SH2D3C: variants seen among roughly 807,000 people sequenced by gnomAD.
SH2D3C encodes the protein SH2 domain containing 3C.
SH2D3C carries 25 observed loss-of-function variants against 75.2 expected under a neutral mutation model. The ratio of observed to expected loss-of-function variants is 0.33; its 90% CI spans 0.24 to 0.46. The LOEUF (loss-of-function observed/expected upper bound fraction) is 0.46. Ranked by LOEUF, SH2D3C falls within the 20% of genes least tolerant of loss-of-function variation. SH2D3C has a pLI of 1.00. For synonymous variants in SH2D3C, 450 were observed against 473.7 expected (o/e 0.95, Z 0.65); for missense variants, 933 against 1,165.3 (o/e 0.80, Z 2.90).
Position 127,749,710 on chromosome 9 carries a change from G to C in SH2D3C, c.685-45C>G, listed in dbSNP as rs1382037670. ...GCTGGAGTAGGGTGGGGCCAGGAGA[G>C]GGTCAGACCCAGGATCTGGGGGACA... On this transcript the variant is annotated intron_variant, in intron 4 of 11. Transcript: ENST00000314830. This position sits in a 1 kb window ranked among gnomAD's most constrained non-coding sequence, Gnocchi z 5.9. 2 of 1,309,088 alleles carry C rather than the reference G, an allele frequency of 1.5e-6. No homozygotes were observed. Among genetic ancestry groups the C allele is most frequent in the East Asian group, 2.5e-5 (1 of 39,750 alleles). 81.1% of individuals were successfully genotyped at this position (1,309,088 alleles called of 1,614,324 possible). A position where few individuals can be genotyped will look rare whatever the true frequency, so the allele number is the denominator to read the frequency against.
At chr9:127,755,018 G>A (rs942495078) in intron 3 of SH2D3C, 3 of 828,900 alleles carry the variant, frequency 3.6e-6, no homozygotes, top group African/African-American at 1.8e-5. Context: ...CTAGGGCCCC[G>A]GGCGGAGCGG....
At chr9:127,762,764 A>G (rs1427059935) in intron 2 of SH2D3C, among the ~76,000 whole-genome samples, 5 of 152,204 alleles carry the variant, frequency 3.3e-5, no homozygotes, top group Non-Finnish European at 5.9e-5. Context: ...TTACAACCTA[A>G]GCATTTGATG....
chr9:127,750,603 G>A (rs1166935543), intron 4 of SH2D3C, among the ~76,000 whole-genome samples: 1 of 152,174 alleles, frequency 6.6e-6, no homozygotes, highest in Non-Finnish European at 1.5e-5. Context: ...CCCCCACCCT[G>A]GGCCATTAGC....
chr9:127,743,371 C>T (rs1358033356), intron 7 of SH2D3C, among the ~76,000 whole-genome samples: 1 of 152,126 alleles, frequency 6.6e-6, no homozygotes, highest in Non-Finnish European at 1.5e-5. Context: ...GGTATAGTGG[C>T]GCGTGCCTGT....
intron 3 of SH2D3C, among the ~76,000 whole-genome samples, chr9:127,753,810 TC>T (rs928214029): frequency 5.9e-5 from 9 of 152,178 alleles, no homozygotes; most frequent in African/African-American, 2.2e-4. Context: ...ATTGAGACCT[TC>T]CCCCAGTTCC....
At chr9:127,764,819 T>C (rs1163334686) in intron 2 of SH2D3C, among the ~76,000 whole-genome samples, 2 of 152,180 alleles carry the variant, frequency 1.3e-5, no homozygotes, top group Admixed American at 6.5e-5. Flanking sequence ...GCGATTCTCC[T>C]GCCTCAGCCT....
At position 127,754,104 on chromosome 9, in the gene SH2D3C, C is replaced by T. The variant is rs903403310; in HGVS notation, c.556-2804G>A. On this transcript the variant is annotated intron_variant, in intron 3 of 11. Transcript: ENST00000314830. The surrounding 1 kb of genome is among the most constrained non-coding windows in gnomAD (Gnocchi z 4.4). ...CACCTCGACCTGGGAGCCCCCAGTT[C>T]CCTAGAGTTGGGGGTGCTGGGGTGC... 6.6e-6 allele frequency among the ~76,000 whole-genome samples: 1 copy of T among 152,192 alleles called. No homozygotes were observed. The highest frequency in any genetic ancestry group is 1.5e-5 in the Non-Finnish European group (1 of 68,000).
rs371381851 is a variant in SH2D3C, at chr9:127,774,291, C to CA, written c.213dup (p.Asp72Ter). On this transcript the variant is annotated frameshift_variant, in exon 2 of 12. Transcript: ENST00000314830. LOFTEE classifies it high-confidence loss of function. The surrounding 1 kb of genome is among the most constrained non-coding windows in gnomAD (Gnocchi z 4.3). ...ATGGTGCCCATGTGGCTGTACATGT[C>CA]ACTGGAGCGGGCATAGGCTGGGGGA... is the stretch of plus-strand genomic sequence containing the variant. 27 of 1,614,086 alleles carry CA rather than the reference C, an allele frequency of 1.7e-5. No individual in the cohort carries two copies. Among genetic ancestry groups the CA allele is most frequent in the Middle Eastern group, 3.3e-4 (2 of 6,062 alleles).
At chr9:127,769,863 G>A (rs1185674164) in intron 2 of SH2D3C, among the ~76,000 whole-genome samples, 1 of 152,050 alleles carries the variant, frequency 6.6e-6, no homozygotes, top group Non-Finnish European at 1.5e-5. Context: ...TGGCAAAATG[G>A]AGCAAGTAGA....
chr9:127,756,875 G>A (rs1440684726), intron 3 of SH2D3C, among the ~76,000 whole-genome samples: 3 of 151,632 alleles, frequency 2.0e-5, no homozygotes, highest in Admixed American at 2.0e-4. Context: ...CTCGTGATCC[G>A]CCCACCTCGG....
At chr9:127,772,111 A>G (rs1386699047) in intron 2 of SH2D3C, among the ~76,000 whole-genome samples, 2 of 152,178 alleles carry the variant, frequency 1.3e-5, no homozygotes, top group African/African-American at 2.4e-5. Flanking sequence ...GGTCTAGGCA[A>G]TTACAGCTCA....
At position 127,774,275 on chromosome 9, in the gene SH2D3C, A is replaced by G. The variant is rs773799062; in HGVS notation, c.230T>C (p.Met77Thr). Residue 77 changes from methionine to threonine, a missense_variant, in exon 2 of 12, where the codon ATG becomes ACG. Met to Thr is a moderately conservative substitution (Grantham distance 81, BLOSUM62 -1). Transcript: ENST00000314830. The surrounding 1 kb of genome is among the most constrained non-coding windows in gnomAD (Gnocchi z 4.3). ...YARSSDMYSH[M>T]GTMPRPSIKK... ...GATGCTGGGGCGAGGCATGGTGCCCATGTGGCTGTACATGTCACTGGAGCG... is the reference window on the plus strand; with the variant it reads ...GATGCTGGGGCGAGGCATGGTGCCCGTGTGGCTGTACATGTCACTGGAGCG... The G allele has an allele frequency of 6.2e-7, 1 of 1,614,104 alleles. No homozygotes were observed. Among genetic ancestry groups the G allele is most frequent in the South Asian group, 1.1e-5 (1 of 91,086 alleles).
chr9:127,776,995 G>A (rs576487687), intron 1 of SH2D3C, among the ~76,000 whole-genome samples: 3 of 152,234 alleles, frequency 2.0e-5, no homozygotes, highest in Non-Finnish European at 2.9e-5. Context: ...GGCACCAGAC[G>A]TTTGGAGGAG....
At chr9:127,748,160 G>A (rs1443303125) in intron 5 of SH2D3C, among the ~76,000 whole-genome samples, 4 of 152,194 alleles carry the variant, frequency 2.6e-5, no homozygotes, top group Non-Finnish European at 5.9e-5. Context: ...CTGGAGAATG[G>A]TCTGGGGAGA....
At chr9:127,758,402 C>T (rs867573051) in intron 3 of SH2D3C, among the ~76,000 whole-genome samples, 1 of 151,876 alleles carries the variant, frequency 6.6e-6, no homozygotes, top group Non-Finnish European at 1.5e-5. Context: ...CATTTTTAAA[C>T]CCTAAAAATA....
In SH2D3C at chr9:127,774,814, G is replaced by C. The variant is rs117492162; in HGVS notation, c.38-347C>G. Among the ~76,000 whole-genome samples, 895 of 152,320 alleles carry C rather than the reference G, an allele frequency of 5.9e-3. 16 individuals carry two copies. Among genetic ancestry groups the C allele is most frequent in the Non-Finnish European group, 8.9e-3 (604 of 68,024 alleles). ...AGAATTACAGAAAAGCTTAGGCCAG[G>C]CGTGGTGGCTCATGCCTGTAATCCC... On this transcript the variant is annotated intron_variant, in intron 1 of 11. Transcript: ENST00000314830. The surrounding 1 kb of genome is among the most constrained non-coding windows in gnomAD (Gnocchi z 4.3).
chr9:127,754,975 G>T lies in SH2D3C; in HGVS notation c.556-3675C>A. On this transcript the variant is annotated intron_variant, in intron 3 of 11. Transcript: ENST00000314830. This position sits in a 1 kb window ranked among gnomAD's most constrained non-coding sequence, Gnocchi z 4.4. ...GGGCCCAGCCCAGCCCGACCCTGCCGGGCGCCGCTGAGCTGCAGCTCCCCG... is the reference window on the plus strand; with the variant it reads ...GGGCCCAGCCCAGCCCGACCCTGCCTGGCGCCGCTGAGCTGCAGCTCCCCG... 2 of 537,388 alleles carry T rather than the reference G, an allele frequency of 3.7e-6. No individual in the cohort carries two copies. The highest frequency in any genetic ancestry group is 2.7e-5 in the South Asian group (1 of 37,666). 33.3% of individuals were successfully genotyped at this position (537,388 alleles called of 1,614,324 possible). A position where few individuals can be genotyped will look rare whatever the true frequency, so the allele number is the denominator to read the frequency against.
At chr9:127,765,656 C>T (rs1845619803) in intron 2 of SH2D3C, among the ~76,000 whole-genome samples, 1 of 152,188 alleles carries the variant, frequency 6.6e-6, no homozygotes, top group Non-Finnish European at 1.5e-5. Flanking sequence ...AATGTCTTTG[C>T]TCCCTTTTGG....
chr9:127,762,305 C>T, intron 2 of SH2D3C: 2 of 1,289,746 alleles, frequency 1.6e-6, no homozygotes, highest in Non-Finnish European at 2.0e-6. Flanking sequence ...GTGAACCACT[C>T]CCCCCACCGC....
Sources: allele counts gnomAD v4.1 joint callset (sites outside exome capture counted in the v4.1 genomes callset), GRCh38; gene constraint gnomAD v4.1.1; non-coding constraint Gnocchi (gnomAD v3.1); transcripts MANE v1.5; gene names NCBI Gene and HGNC (gene_info 2026-07-23, HGNC 2026-07-21).